Variants in HMCN2 observed in about 807,000 individuals in gnomAD.
HMCN2 encodes hemicentin-2.
In HMCN2, 325 loss-of-function variants were observed where a neutral mutation model predicts 377.5. The ratio of observed to expected loss-of-function variants is 0.86; its 90% CI spans 0.79 to 0.94. The LOEUF is 0.94. Ranked by LOEUF, HMCN2 falls within the 40% of genes least tolerant of loss-of-function variation. The pLI is 0.00. For missense variants in HMCN2, 4,543 were observed against 4,725.3 expected (o/e 0.96, Z 1.13); for synonymous variants, 2,007 against 2,046.8 (o/e 0.98, Z 0.53).
intron 62 of HMCN2, among the ~76,000 whole-genome samples, chr9:130,389,701 A>C (rs1470770281): frequency 6.6e-6 from 1 of 151,346 alleles, no homozygotes; most frequent in African/African-American, 2.4e-5. Flanking sequence ...CAGCCTCCCG[A>C]GTAGCTGGGA....
chr9:130,367,091 G>A (rs1197464096), intron 43 of HMCN2, among the ~76,000 whole-genome samples: 7 of 152,156 alleles, frequency 4.6e-5, no homozygotes, highest in Non-Finnish European at 1.5e-5. Flanking sequence ...GGGTCCTGGG[G>A]CAGGAATGCT....
intron 4 of HMCN2, among the ~76,000 whole-genome samples, chr9:130,289,923 C>T (rs540547924): frequency 6.6e-6 from 1 of 152,230 alleles, no homozygotes; most frequent in African/African-American, 2.4e-5. Context: ...CGCCCCCTGG[C>T]TTTCCTTCCC....
intron 85 of HMCN2, among the ~76,000 whole-genome samples, chr9:130,413,563 A>G (rs1241499132): frequency 6.6e-6 from 1 of 152,210 alleles, no homozygotes; most frequent in Non-Finnish European, 1.5e-5. Flanking sequence ...AAGCAAACAT[A>G]AAGAGCCTCT....
chr9:130,306,203 G>C lies in HMCN2; in HGVS notation c.1891G>C (p.Ala631Pro), dbSNP rs782226852. 6 of 470,964 alleles carry C rather than the reference G, an allele frequency of 1.3e-5. No individual in the cohort carries two copies. In the East Asian group the frequency reaches 3.5e-4, roughly 27 times the overall value. The allele number at this position is 470,964 out of a possible 1,614,324, so 29.2% of individuals were successfully genotyped here. ...QGVEVKVSCSASGYPTPHISW... is the reference protein window; with the variant it reads ...QGVEVKVSCSPSGYPTPHISW... ...TGTGGAGGTGAAGGTCAGCTGCTCAGCCTCTGGATACCCCACACCCCACAT... is the reference window on the plus strand; with the variant it reads ...TGTGGAGGTGAAGGTCAGCTGCTCACCCTCTGGATACCCCACACCCCACAT... The change falls in exon 12 of 98, where the codon GCC becomes CCC. Residue 631 changes from alanine to proline, a missense_variant. Ala to Pro is a conservative substitution (Grantham distance 27). This residue lies in a region of HMCN2 where 547 missense variants were observed against 189.9 expected (regional missense o/e 2.88). Coordinates refer to ENST00000683500, the MANE Select transcript of HMCN2 (RefSeq NM_001291815.2).
In HMCN2 at chr9:130,301,095, C is replaced by T. The variant is rs969092786; in HGVS notation, c.1277-1762C>T. Among the ~76,000 whole-genome samples the T allele has an allele frequency of 3.0e-4, 46 of 152,230 alleles. 1 individual carries two copies. The highest frequency in any genetic ancestry group is 3.2e-3 in the Middle Eastern group (1 of 316). On this transcript the variant is annotated intron_variant, in intron 8 of 97. Coordinates refer to ENST00000683500, the MANE Select transcript of HMCN2 (RefSeq NM_001291815.2). ...AAGGGCCAGCTCTTGAGGCTGGCCACGGTGCCCATCGTGCCTACAGTGCCC... is the reference window on the plus strand; with the variant it reads ...AAGGGCCAGCTCTTGAGGCTGGCCATGGTGCCCATCGTGCCTACAGTGCCC...
At chr9:130,342,284 G>T (rs1839098504) in intron 24 of HMCN2, 66 bp from the exon 25 acceptor site, 1 of 152,276 alleles carries the variant, frequency 6.6e-6, no homozygotes, top group Non-Finnish European at 1.5e-5. Context: ...TTCCTTGGAG[G>T]CAGGGGTTGA....
At position 130,388,719 on chromosome 9, in the gene HMCN2, C is replaced by G. The variant is rs936253972; in HGVS notation, c.9523+179C>G. Among the ~76,000 whole-genome samples the G allele has an allele frequency of 8.0e-5, 12 of 149,668 alleles. No homozygotes were observed. The East Asian group carries it at 1.8e-3, about 22-fold the overall frequency. ...TTTGAGTGAAGCGTTGTTTATTGGC[C>G]CTTGGAATCCAAACATAAAGAGCGT... On this transcript the variant is annotated intron_variant, in intron 62 of 97. Transcript: ENST00000683500.
At position 130,404,851 on chromosome 9, in the gene HMCN2, G is replaced by T. The variant is rs1391795590; in HGVS notation, c.12149-18G>T. 1.6e-6 allele frequency: 2 copies of T among 1,221,558 alleles called. No homozygotes were observed. The highest frequency in any genetic ancestry group is 2.1e-6 in the Non-Finnish European group (2 of 951,560). 75.7% of individuals were successfully genotyped at this position (1,221,558 alleles called of 1,614,324 possible). A position where few individuals can be genotyped will look rare whatever the true frequency, so the allele number is the denominator to read the frequency against. The stretch of plus-strand genomic sequence containing the variant: ...CTCCCTGAGCCCCGGTTCCGAGTGG[G>T]CCTCCCTCTGCCCGCAGTCCCACCA... On this transcript the variant is annotated intron_variant, in intron 80 of 97. Transcript: ENST00000683500.
Position 130,371,598 on chromosome 9 carries a change from T to C in HMCN2, c.7237+467T>C, listed in dbSNP as rs542105060. 4.5e-4 allele frequency among the ~76,000 whole-genome samples: 69 copies of C among 152,322 alleles called. 1 individual carries two copies. The South Asian group carries it at 0.011, about 25-fold the overall frequency. On this transcript the variant is annotated intron_variant, in intron 46 of 97. Transcript: ENST00000683500. ...CCCAGGAGTCTCTGTCCCATCCAAA[T>C]CCTGCAAGGACTTCAAGGCCCCTGA...
chr9:130,271,308 C>T lies in HMCN2; in HGVS notation c.259+5171C>T, dbSNP rs766474988. On this transcript the variant is annotated intron_variant, in intron 1 of 97. Coordinates refer to ENST00000683500, the MANE Select transcript of HMCN2 (RefSeq NM_001291815.2). Reference sequence around the variant, plus strand: ...CTGTGTGCAGCCCACGTTTAAAAAGCGGGGAGCCATGATCCACGTCCTTGG... The same window carrying T: ...CTGTGTGCAGCCCACGTTTAAAAAGTGGGGAGCCATGATCCACGTCCTTGG... Among the ~76,000 whole-genome samples the T allele has an allele frequency of 2.7e-5, 4 of 148,654 alleles. 1 individual carries two copies. In the South Asian group the frequency reaches 8.7e-4, roughly 32 times the overall value.
At chr9:130,354,555 C>G (rs1199745092) in intron 31 of HMCN2, among the ~76,000 whole-genome samples, 1 of 152,166 alleles carries the variant, frequency 6.6e-6, no homozygotes, top group Non-Finnish European at 1.5e-5. Context: ...AGTCAGCACC[C>G]AGGGGTGGGG....
chr9:130,361,108 A>G lies in HMCN2; in HGVS notation c.5950+504A>G, dbSNP rs1406315133. Among the ~76,000 whole-genome samples the G allele has an allele frequency of 6.6e-6, 1 of 152,106 alleles. No individual in the cohort carries two copies. The highest frequency in any genetic ancestry group is 2.4e-5 in the African/African-American group (1 of 41,414). On this transcript the variant is annotated intron_variant, in intron 38 of 97. Coordinates refer to ENST00000683500, the MANE Select transcript of HMCN2 (RefSeq NM_001291815.2). This position sits in a 1 kb window ranked among gnomAD's most constrained non-coding sequence, Gnocchi z 4.8. ...CTTTCCTTGATCCATTTTCTATCCA[A>G]CCACACTTATTGAGTCCATGCTCTG...
Position 130,271,226 on chromosome 9 carries a change from G to C in HMCN2, c.259+5089G>C, listed in dbSNP as rs73547589. ...ATTTTTCAGATTTCTCCACTATAGA[G>C]TTACTCTTTTTCCCCTCTCTCTTTC... On this transcript the variant is annotated intron_variant, in intron 1 of 97. Coordinates refer to ENST00000683500, the MANE Select transcript of HMCN2 (RefSeq NM_001291815.2). Among the ~76,000 whole-genome samples, 74 of 148,982 alleles carry C rather than the reference G, an allele frequency of 5.0e-4. 2 individuals are homozygous for C. The highest frequency in any genetic ancestry group is 1.7e-3 in the African/African-American group (72 of 41,302).
intron 12 of HMCN2, 89 bp downstream of exon 12, chr9:130,306,359 G>C (rs1836859361): frequency 2.3e-6 from 1 of 431,866 alleles, no homozygotes; most frequent in Middle Eastern, 4.2e-4. Flanking sequence ...CTTCCTATCT[G>C]TAAATGGGGA....
In HMCN2 at chr9:130,295,730, C is replaced by G. The variant is rs782627150; in HGVS notation, c.849C>G (p.Val283=). The part of the protein sequence containing the change: ...VLLNIPDSAK[V]VAFKPEHPGL... ...TCAACATCCCTGACTCGGCCAAGGT[C>G]GTAGCCTTTAAGCCTGAGCATCCGG... is the stretch of plus-strand genomic sequence containing the variant. The change falls in exon 6 of 98, where the codon GTC becomes GTG. Residue 283 remains valine, a synonymous_variant. Coordinates refer to ENST00000683500, the MANE Select transcript of HMCN2 (RefSeq NM_001291815.2). 2.1e-6 allele frequency: 1 copy of G among 471,052 alleles called. No homozygotes were observed. The highest frequency in any genetic ancestry group is 6.9e-5 in the East Asian group (1 of 14,396). 29.2% of individuals were successfully genotyped at this position (471,052 alleles called of 1,614,324 possible).
chr9:130,387,556 G>A (rs541562539), intron 61 of HMCN2, among the ~76,000 whole-genome samples: 2 of 152,360 alleles, frequency 1.3e-5, no homozygotes, highest in East Asian at 1.9e-4. Context: ...TCCCTTCTGC[G>A]TGTATTCCAT....
chr9:130,329,115 C>G (rs1490129867), intron 22 of HMCN2, among the ~76,000 whole-genome samples: 3 of 152,216 alleles, frequency 2.0e-5, no homozygotes, highest in Non-Finnish European at 1.5e-5. Flanking sequence ...TCATCACCCT[C>G]CCAAAAAAAC....
intron 4 of HMCN2, among the ~76,000 whole-genome samples, chr9:130,290,479 G>A (rs1554929660): frequency 6.6e-6 from 1 of 152,234 alleles, no homozygotes; most frequent in African/African-American, 2.4e-5. Flanking sequence ...GTCGACTGGT[G>A]CTTTGCTCAG....
chr9:130,319,211 AG>A (rs1837720587), intron 15 of HMCN2, among the ~76,000 whole-genome samples: 1 of 152,230 alleles, frequency 6.6e-6, no homozygotes, highest in African/African-American at 2.4e-5. Flanking sequence ...GAGGTGTCAC[AG>A]CCAGGAGTGG....
Sources: allele counts gnomAD v4.1 joint callset (sites outside exome capture counted in the v4.1 genomes callset), GRCh38; gene constraint gnomAD v4.1.1; regional missense constraint gnomAD v4.1.1; non-coding constraint Gnocchi (gnomAD v3.1); transcripts MANE v1.5; gene names NCBI Gene and HGNC (gene_info 2026-07-23, HGNC 2026-07-21).